CNGB3: variants seen among roughly 807,000 people sequenced by gnomAD.
CNGB3 encodes cyclic nucleotide-gated channel beta-3.
A neutral mutation model predicts 92.8 loss-of-function variants in CNGB3; 86 were observed. The observed-to-expected ratio is 0.93, with a 90% CI of 0.78 to 1.11. CNGB3 has a LOEUF of 1.11. CNGB3 is among the 50% of genes least tolerant of loss of function. The pLI is 0.00. For synonymous variants in CNGB3, 333 were observed against 332.7 expected, an observed-to-expected ratio of 1.00 and a Z score of -0.01; for missense variants, 1,026 against 956.8, an observed-to-expected ratio of 1.07 and a Z score of -0.95.
rs1442568878 is a variant in CNGB3, at chr8:86,632,882, C to T, written c.1190G>A (p.Cys397Tyr). ...TAAAGTTCGAACTGCCCAATAATAA[C>T]ATCTCAGATACCTGTGAAAACAGAA... ...YDGEGNEYLR[C>Y]YYWAVRTLIT... The change falls in exon 11 of 18, where the codon TGT (cysteine) becomes TAT (tyrosine). Residue 397 changes from cysteine to tyrosine, a missense_variant. By Grantham distance (194) the Cys-to-Tyr change is radical (BLOSUM62 -2). Transcript: ENST00000320005. 1 of 1,612,246 alleles carries T rather than the reference C, an allele frequency of 6.2e-7. No homozygotes were observed. Among genetic ancestry groups the T allele is most frequent in the Non-Finnish European group, 8.5e-7 (1 of 1,179,738 alleles).
chr8:86,659,368 G>C (rs529802809), intron 6 of CNGB3: 10 of 887,190 alleles, frequency 1.1e-5, no homozygotes, highest in African/African-American at 6.6e-5. Context: ...GGTTCACACT[G>C]GCTTGAGGAC....
At chr8:86,694,419 C>A (rs1013288897) in intron 3 of CNGB3, among the ~76,000 whole-genome samples, 2 of 151,332 alleles carry the variant, frequency 1.3e-5, no homozygotes, top group African/African-American at 2.4e-5. Context: ...ACCTCCCTCC[C>A]GGACGGGGTG....
chr8:86,604,353 G>C, intron 14 of CNGB3, 142 bp from the exon 15 acceptor site: 1 of 616,202 alleles, frequency 1.6e-6, no homozygotes, highest in South Asian at 2.0e-5. Flanking sequence ...ATTATCTTAA[G>C]ACCTAAAGTA....
rs983855385 is a variant in CNGB3, at chr8:86,593,967, G to A, written c.1781+10126C>T. The A allele has an allele frequency of 1.1e-4, 55 of 485,140 alleles. 2 individuals carry two copies. Among genetic ancestry groups the A allele is most frequent in the South Asian group, 9.9e-4 (54 of 54,310 alleles). The allele number at this position is 485,140 out of a possible 1,614,324, so 30.1% of individuals were successfully genotyped here. A position where few individuals can be genotyped will look rare whatever the true frequency, so the allele number is the denominator to read the frequency against. On this transcript the variant is annotated intron_variant, in intron 15 of 17. Coordinates refer to ENST00000320005, the MANE Select transcript of CNGB3 (RefSeq NM_019098.5). ...ATCCTGTAGGAAGCCTCCAGTGGGAGCGAGAACTTGTTGAACATCATCACC... is the reference window on the plus strand; with the variant it reads ...ATCCTGTAGGAAGCCTCCAGTGGGAACGAGAACTTGTTGAACATCATCACC...
intron 10 of CNGB3, among the ~76,000 whole-genome samples, chr8:86,634,126 C>T (rs768716094): frequency 9.9e-5 from 15 of 152,148 alleles, no homozygotes; most frequent in Non-Finnish European, 1.6e-4. Flanking sequence ...ATTTACTTAG[C>T]TATCCAGAGA....
chr8:86,595,264 C>A (rs960540625), intron 15 of CNGB3, among the ~76,000 whole-genome samples: 1 of 152,144 alleles, frequency 6.6e-6, no homozygotes, highest in Non-Finnish European at 1.5e-5. Context: ...AAGGGAGGAA[C>A]CCAAACAGGC....
In CNGB3 at chr8:86,613,551, A is replaced by T. The variant is rs149076217; in HGVS notation, c.1579-1880T>A. On this transcript the variant is annotated intron_variant, in intron 13 of 17. Coordinates refer to ENST00000320005, the MANE Select transcript of CNGB3 (RefSeq NM_019098.5). ...TATGCTTGGAAGTTCTTGAACATGT[A>T]CATGTCTGGAATATTTCTGCAATGA... is the stretch of plus-strand genomic sequence containing the variant. Among the ~76,000 whole-genome samples the T allele has an allele frequency of 4.7e-3, 709 of 152,302 alleles. 5 individuals are homozygous for T. Among genetic ancestry groups the T allele is most frequent in the African/African-American group, 0.016 (666 of 41,574 alleles).
chr8:86,707,058 C>T (rs1205283203), intron 3 of CNGB3, among the ~76,000 whole-genome samples: 1 of 152,140 alleles, frequency 6.6e-6, no homozygotes, highest in Non-Finnish European at 1.5e-5. Context: ...TGATATTTTA[C>T]ATTTAATAAT....
chr8:86,631,762 C>T (rs16916240), intron 11 of CNGB3, among the ~76,000 whole-genome samples: 7,061 of 152,162 alleles, frequency 0.046, 548 homozygotes, highest in African/African-American at 0.16. Context: ...TACTTTACTA[C>T]CCCTCTCTGT....
intron 13 of CNGB3, among the ~76,000 whole-genome samples, chr8:86,622,376 T>C (rs1822755177): frequency 3.8e-5 from 1 of 26,582 alleles, no homozygotes; most frequent in South Asian, 9.4e-4. Context: ...GCCATTCTTC[T>C]TTTTTTTTTT....
At chr8:86,604,003 A>C (rs938269452) in intron 15 of CNGB3, 90 bp downstream of exon 15, 11 of 844,034 alleles carry the variant, frequency 1.3e-5, no homozygotes, top group Non-Finnish European at 2.0e-5. Context: ...AACCTTTGAT[A>C]AATCTGAGCG....
At chr8:86,686,132 G>A (rs893563111) in intron 3 of CNGB3, among the ~76,000 whole-genome samples, 2 of 152,084 alleles carry the variant, frequency 1.3e-5, no homozygotes, top group African/African-American at 4.8e-5. Context: ...CTACTCTCCT[G>A]ATGAACATTG....
intron 6 of CNGB3, among the ~76,000 whole-genome samples, chr8:86,664,691 G>GCACT (rs2131612977): frequency 6.6e-6 from 1 of 152,298 alleles, no homozygotes; most frequent in East Asian, 1.9e-4. Context: ...CTTAGGAAGG[G>GCACT]CACTGCATTT....
intron 3 of CNGB3, among the ~76,000 whole-genome samples, chr8:86,681,179 A>G (rs16916779): frequency 0.017 from 2,618 of 152,294 alleles, 67 homozygotes; most frequent in African/African-American, 0.055. Context: ...GATATTTTTA[A>G]AAAGCTTGAT....
intron 1 of CNGB3, among the ~76,000 whole-genome samples, chr8:86,743,034 A>C (rs1825369124): frequency 6.6e-6 from 1 of 152,154 alleles, no homozygotes; most frequent in Non-Finnish European, 1.5e-5. Context: ...CCCCGGAGCT[A>C]TGACAACTGA....
intron 3 of CNGB3, among the ~76,000 whole-genome samples, chr8:86,681,393 A>G (rs1824081058): frequency 6.6e-6 from 1 of 152,230 alleles, no homozygotes; most frequent in African/African-American, 2.4e-5. Flanking sequence ...CCCAGAGTGT[A>G]GCACAGGACA....
chr8:86,587,112 T>C (rs1392809046), intron 15 of CNGB3, among the ~76,000 whole-genome samples: 2 of 147,278 alleles, frequency 1.4e-5, no homozygotes, highest in African/African-American at 5.0e-5. Context: ...TTTTCATGTG[T>C]TTTTTGGCTG....
intron 17 of CNGB3, among the ~76,000 whole-genome samples, chr8:86,577,626 A>T (rs1357594083): frequency 6.6e-6 from 1 of 152,232 alleles, no homozygotes; most frequent in East Asian, 1.9e-4. Flanking sequence ...GTTTTTGTTT[A>T]GAGATACACT....
At chr8:86,612,049 A>G (rs370566161) in intron 13 of CNGB3, among the ~76,000 whole-genome samples, 1 of 152,188 alleles carries the variant, frequency 6.6e-6, no homozygotes, top group East Asian at 1.9e-4. Context: ...TTAGTATATT[A>G]GGACCAACAT....
Sources: allele counts gnomAD v4.1 joint callset (sites outside exome capture counted in the v4.1 genomes callset), GRCh38; gene constraint gnomAD v4.1.1; transcripts MANE v1.5; gene names NCBI Gene and HGNC (gene_info 2026-07-23, HGNC 2026-07-21).